The following OR3A2 variants were observed in gnomAD, a reference collection of about 807,000 sequenced individuals.
The protein encoded by OR3A2 is olfactory receptor 3A2.
For missense variants in OR3A2, 318 were observed against 392.8 expected (o/e 0.81, Z 1.61); for synonymous variants, 126 against 159.3 (o/e 0.79, Z 1.57).
chr17:3,349,499 G>T (rs1201032381), intron 2 of OR3A2, among the ~76,000 whole-genome samples: 1 of 152,064 alleles, frequency 6.6e-6, no homozygotes, highest in African/African-American at 2.4e-5. Flanking sequence ...AAATATATAT[G>T]CACCCAATAC....
intron 2 of OR3A2, among the ~76,000 whole-genome samples, chr17:3,371,418 G>T (rs182265231): frequency 1.4e-5 from 2 of 142,748 alleles, no homozygotes; most frequent in South Asian, 4.6e-4. Context: ...GGCTGGGCAG[G>T]GGGCTGACCC....
At chr17:3,352,934 TAC>T (rs1473357818) in intron 2 of OR3A2, among the ~76,000 whole-genome samples, 3 of 151,936 alleles carry the variant, frequency 2.0e-5, no homozygotes, top group African/African-American at 7.2e-5. Context: ...ATCAGTGTTT[TAC>T]AGTTTTTCAT....
chr17:3,279,023 TCC>T (rs2048761793), intron 1 of OR3A2, 51 bp downstream of exon 4: 1 of 1,536,382 alleles, frequency 6.5e-7, no homozygotes, highest in Non-Finnish European at 8.8e-7. Context: ...CCGTGGCGAG[TCC>T]CCAGGCCATC....
chr17:3,333,239 C>T (rs2049254076), intron 3 of OR3A2, among the ~76,000 whole-genome samples: 1 of 152,156 alleles, frequency 6.6e-6, no homozygotes, highest in Non-Finnish European at 1.5e-5. Context: ...TCCTGTAGTA[C>T]TACCTCAGGC....
At position 3,361,433 on chromosome 17, in the gene OR3A2, C is replaced by T. The variant is rs142672818; in HGVS notation, c.-179+22371G>A. Among the ~76,000 whole-genome samples the T allele has an allele frequency of 3.9e-3, 587 of 151,700 alleles. 18 individuals are homozygous for T. The highest frequency in any genetic ancestry group is 0.014 in the African/African-American group (559 of 41,018). On this transcript the variant is annotated intron_variant, in intron 2 of 4. Coordinates refer to the OR3A2 transcript ENST00000573491. ...CTTTCTCTTACCTGATTGCCCTGGC[C>T]AGAACTTCCAACACTATGTTGAATA...
chr17:3,291,719 C>T (rs1463593966), intron 3 of OR3A2: 18 of 1,613,324 alleles, frequency 1.1e-5, no homozygotes, highest in East Asian at 6.7e-5. Flanking sequence ...TGATTGGGTT[C>T]AGCATGGGAT....
intron 3 of OR3A2, among the ~76,000 whole-genome samples, chr17:3,333,049 G>C (rs923175634): frequency 7.2e-5 from 11 of 152,310 alleles, no homozygotes; most frequent in African/African-American, 2.4e-4. Context: ...TCTTCTTGCA[G>C]AGAGCCTATA....
intron 1 of OR3A2, 55 bp downstream of exon 4, chr17:3,279,021 A>G: frequency 6.5e-7 from 1 of 1,541,480 alleles, no homozygotes; most frequent in South Asian, 1.3e-5. Context: ...CCCCGTGGCG[A>G]GTCCCCAGGC....
intron 3 of OR3A2, among the ~76,000 whole-genome samples, chr17:3,295,319 T>C (rs992500758): frequency 6.6e-6 from 1 of 151,888 alleles, no homozygotes; most frequent in African/African-American, 2.4e-5. Context: ...ATAAATTACA[T>C]GGTATAGGAG....
chr17:3,279,316 A>G (rs1244713287), intron 1 of OR3A2, among the ~76,000 whole-genome samples, 163 bp from the exon 4 acceptor site: 2 of 152,272 alleles, frequency 1.3e-5, no homozygotes, highest in African/African-American at 4.8e-5. Context: ...AACTACAAGT[A>G]TCTCATAACA....
chr17:3,286,615 A>T (rs58309030), upstream of OR3A2, among the ~76,000 whole-genome samples: 1,480 of 152,210 alleles, frequency 9.7e-3, 28 homozygotes, highest in African/African-American at 0.033. Flanking sequence ...AATGATAGCC[A>T]TTCTAACTGG....
In OR3A2 at chr17:3,294,738, A is replaced by G. The variant is rs955306873; in HGVS notation, c.-84-15585T>C. Among the ~76,000 whole-genome samples, 3 of 152,214 alleles carry G rather than the reference A, an allele frequency of 2.0e-5. No individual in the cohort carries two copies. In the East Asian group the frequency reaches 5.8e-4, roughly 29 times the overall value. ...TCTAAAGGAAAGAAATTAAGGTAGC[A>G]TATCATTTCTCCAAAGTAACAGTCA... On this transcript the variant is annotated intron_variant, in intron 3 of 4. Coordinates refer to the OR3A2 transcript ENST00000573491.
intron 2 of OR3A2, among the ~76,000 whole-genome samples, chr17:3,357,410 CA>C (rs1456036301): frequency 6.6e-6 from 1 of 151,608 alleles, no homozygotes; most frequent in Non-Finnish European, 1.5e-5. Flanking sequence ...AATAAAAAGC[CA>C]GATGAAATAT....
intron 3 of OR3A2, chr17:3,291,095 T>G (rs1343283686): frequency 6.6e-6 from 1 of 152,584 alleles, no homozygotes; most frequent in East Asian, 1.9e-4. Flanking sequence ...CCCCTGTCTA[T>G]GCTATGGGGT....
intron 2 of OR3A2, among the ~76,000 whole-genome samples, chr17:3,348,671 T>C (rs1490183525): frequency 6.6e-6 from 1 of 151,858 alleles, no homozygotes; most frequent in East Asian, 1.9e-4. Context: ...ATTCAGGAAA[T>C]ACAGACAACA....
rs146520451 is a variant in OR3A2 at position 3,326,142 on chromosome 17, A to G, written c.-85+9891T>C. On this transcript the variant is annotated intron_variant, in intron 3 of 4. Coordinates refer to the OR3A2 transcript ENST00000573491. Reference sequence around the variant, plus strand: ...ATCTCATTCATTTCTATGGCTGCATAGTATATCATGGTGTATATGTACCAC... The same window carrying G: ...ATCTCATTCATTTCTATGGCTGCATGGTATATCATGGTGTATATGTACCAC... Among the ~76,000 whole-genome samples the G allele has an allele frequency of 1.7e-3, 266 of 152,218 alleles. 2 individuals carry two copies. The highest frequency in any genetic ancestry group is 5.8e-3 in the African/African-American group (241 of 41,506).
chr17:3,354,833 T>TTAAGA (rs1441174374), intron 2 of OR3A2, among the ~76,000 whole-genome samples: 1 of 151,404 alleles, frequency 6.6e-6, no homozygotes, highest in African/African-American at 2.4e-5. Flanking sequence ...TTCTTGTTCT[T>TTAAGA]TAAGATGCAT....
At chr17:3,329,127 G>C (rs369952956) in intron 3 of OR3A2, among the ~76,000 whole-genome samples, 2 of 151,822 alleles carry the variant, frequency 1.3e-5, no homozygotes, top group African/African-American at 4.8e-5. Flanking sequence ...ATTTTATTGA[G>C]GATTTTTGCA....
chr17:3,342,708 G>C (rs770831341), intron 2 of OR3A2, among the ~76,000 whole-genome samples: 1 of 152,196 alleles, frequency 6.6e-6, no homozygotes, highest in Non-Finnish European at 1.5e-5. Flanking sequence ...CTACTGGGAG[G>C]TGTCTCCAAG....
Sources: allele counts gnomAD v4.1 joint callset (sites outside exome capture counted in the v4.1 genomes callset), GRCh38; gene constraint gnomAD v4.1.1; transcripts MANE v1.5; gene names NCBI Gene and HGNC (gene_info 2026-07-23, HGNC 2026-07-21).